The following GRM7 variants were observed in gnomAD, a reference collection of about 807,000 sequenced individuals.
The protein encoded by GRM7 is metabotropic glutamate receptor 7.
A neutral mutation model predicts 84.5 loss-of-function variants in GRM7; 35 were observed. The ratio of observed to expected loss-of-function variants is 0.41; its 90% CI spans 0.32 to 0.55. GRM7 has a LOEUF of 0.55. Ranked by LOEUF, GRM7 falls within the 20% of genes least tolerant of loss-of-function variation. The pLI is 0.19. For missense variants in GRM7, 1,003 were observed against 1,194.6 expected (o/e 0.84, Z 2.36); for synonymous variants, 487 against 455.1 (o/e 1.07, Z -0.89).
intron 4 of GRM7, among the ~76,000 whole-genome samples, chr3:7,329,648 C>T (rs1011059198): frequency 6.6e-6 from 1 of 152,138 alleles, no homozygotes; most frequent in Middle Eastern, 3.4e-3. Context: ...TTTCAACAGT[C>T]TTATATTTCT....
chr3:7,031,870 A>T (rs1308086195), intron 1 of GRM7, among the ~76,000 whole-genome samples: 1 of 152,168 alleles, frequency 6.6e-6, no homozygotes, highest in East Asian at 1.9e-4. Flanking sequence ...ATATGAAAAC[A>T]AATCCCACCA....
At chr3:7,633,162 C>T (rs142383972) in intron 8 of GRM7, among the ~76,000 whole-genome samples, 109 of 152,296 alleles carry the variant, frequency 7.2e-4, no homozygotes, top group African/African-American at 2.5e-3. Context: ...CATCACAGGA[C>T]AAAAACGTGA....
intron 1 of GRM7, among the ~76,000 whole-genome samples, chr3:6,973,708 G>T (rs1310685651): frequency 6.6e-6 from 1 of 152,130 alleles, no homozygotes; most frequent in Non-Finnish European, 1.5e-5. Context: ...AGTTGCAAAG[G>T]CCCTGAGTAT....
intron 1 of GRM7, among the ~76,000 whole-genome samples, chr3:6,942,670 TA>T (rs1168581161): frequency 1.3e-5 from 2 of 152,124 alleles, no homozygotes; most frequent in Non-Finnish European, 2.9e-5. Flanking sequence ...ATTTAGCTAT[TA>T]AAAAATTAAA....
intron 1 of GRM7, among the ~76,000 whole-genome samples, chr3:7,056,552 C>T (rs1559410558): frequency 6.6e-6 from 1 of 151,914 alleles, no homozygotes; most frequent in Non-Finnish European, 1.5e-5. Flanking sequence ...AATAAAGTTC[C>T]ACTTTTTGGA....
chr3:7,398,646 C>T (rs1695317582), intron 4 of GRM7, among the ~76,000 whole-genome samples: 3 of 151,928 alleles, frequency 2.0e-5, no homozygotes, highest in African/African-American at 4.8e-5. Flanking sequence ...TATATATATG[C>T]ATATATACAC....
chr3:7,628,683 T>C (rs1697729939), intron 8 of GRM7, among the ~76,000 whole-genome samples: 1 of 152,168 alleles, frequency 6.6e-6, no homozygotes, highest in African/African-American at 2.4e-5. Context: ...TGAGGAGGCA[T>C]TTGAGAGTCA....
At chr3:7,043,490 C>G (rs1424721180) in intron 1 of GRM7, among the ~76,000 whole-genome samples, 1 of 152,116 alleles carries the variant, frequency 6.6e-6, no homozygotes, top group African/African-American at 2.4e-5. Flanking sequence ...GTTCACTGTC[C>G]TTTATTGCCT....
chr3:7,332,767 C>T (rs1205315114), intron 4 of GRM7, among the ~76,000 whole-genome samples: 2 of 152,168 alleles, frequency 1.3e-5, no homozygotes, highest in Non-Finnish European at 2.9e-5. Context: ...CTTACTGCTG[C>T]AAGCTCTGTG....
intron 1 of GRM7, among the ~76,000 whole-genome samples, chr3:7,017,822 G>A (rs1047836246): frequency 2.0e-5 from 3 of 152,256 alleles, no homozygotes; most frequent in African/African-American, 7.2e-5. Flanking sequence ...GTTTGTCTTT[G>A]TACTTCTTGA....
chr3:7,553,966 G>T (rs941866933), intron 7 of GRM7, among the ~76,000 whole-genome samples: 1 of 152,142 alleles, frequency 6.6e-6, no homozygotes, highest in Non-Finnish European at 1.5e-5. Context: ...TTCCCAATTT[G>T]TTTTCAAGAA....
At chr3:7,737,668 T>G (rs915023134) in intron 9 of GRM7, among the ~76,000 whole-genome samples, 3 of 152,204 alleles carry the variant, frequency 2.0e-5, no homozygotes, top group Non-Finnish European at 4.4e-5. Context: ...AACTTCATTA[T>G]AATTTTGGGG....
At chr3:7,387,847 G>A (rs1034832740) in intron 4 of GRM7, among the ~76,000 whole-genome samples, 6 of 152,006 alleles carry the variant, frequency 3.9e-5, no homozygotes, top group Non-Finnish European at 7.4e-5. Flanking sequence ...TAAATTGGTA[G>A]GAACTATGGT....
chr3:6,867,167 G>C (rs778671508), intron 1 of GRM7, among the ~76,000 whole-genome samples: 1 of 152,180 alleles, frequency 6.6e-6, no homozygotes, highest in East Asian at 1.9e-4. Flanking sequence ...TTTTGAGTTT[G>C]ATTTTAGCCA....
intron 1 of GRM7, among the ~76,000 whole-genome samples, chr3:7,112,992 T>C (rs140307785): frequency 1.6e-3 from 236 of 152,222 alleles, no homozygotes; most frequent in African/African-American, 5.2e-3. Context: ...CATCAAACTT[T>C]TCAAAATGAG....
intron 1 of GRM7, among the ~76,000 whole-genome samples, chr3:7,069,530 G>A (rs1559418877): frequency 6.6e-6 from 1 of 152,090 alleles, no homozygotes. Flanking sequence ...TAAGGATGGA[G>A]GGGAAAAGGG....
chr3:7,339,607 A>G (rs1701559240), intron 4 of GRM7, among the ~76,000 whole-genome samples: 1 of 152,160 alleles, frequency 6.6e-6, no homozygotes, highest in African/African-American at 2.4e-5. Flanking sequence ...GTTAAGCAGA[A>G]GTTGCTAGGA....
intron 1 of GRM7, among the ~76,000 whole-genome samples, chr3:6,975,452 A>G (rs1693951622): frequency 6.6e-6 from 1 of 152,142 alleles, no homozygotes; most frequent in South Asian, 2.1e-4. Context: ...AAATCATTTC[A>G]CTTCTCTAGG....
intron 7 of GRM7, among the ~76,000 whole-genome samples, chr3:7,573,543 G>A (rs1694810281): frequency 6.6e-6 from 1 of 152,142 alleles, no homozygotes; most frequent in Admixed American, 6.5e-5. Context: ...TTTGTGTTTG[G>A]CAGTAAGACA....
Sources: allele counts gnomAD v4.1 joint callset (sites outside exome capture counted in the v4.1 genomes callset), GRCh38; gene constraint gnomAD v4.1.1; transcripts MANE v1.5; gene names NCBI Gene and HGNC (gene_info 2026-07-23, HGNC 2026-07-21).